The following CREB5 variants were observed in gnomAD, a reference collection of about 807,000 sequenced individuals.
The protein encoded by CREB5 is cAMP responsive element binding protein 5, also known as cyclic AMP-responsive element-binding protein 5.
A neutral mutation model predicts 57.1 loss-of-function variants in CREB5; 19 were observed. The ratio of observed to expected loss-of-function variants is 0.33; its 90% CI spans 0.23 to 0.49. The LOEUF is 0.49. Ranked by LOEUF, CREB5 falls within the 20% of genes least tolerant of loss-of-function variation. The pLI is 0.99. For missense variants in CREB5, 579 were observed against 671.6 expected, an observed-to-expected ratio of 0.86 and a Z score of 1.52; for synonymous variants, 238 against 238.3, an observed-to-expected ratio of 1.00 and a Z score of 0.01.
chr7:28,364,796 C>T (rs1786555419), intron 1 of CREB5, among the ~76,000 whole-genome samples: 1 of 152,186 alleles, frequency 6.6e-6, no homozygotes. Flanking sequence ...GTCCTCCTGG[C>T]TACCTGTCAT....
At chr7:28,734,009 C>T (rs1042635751) in intron 7 of CREB5, among the ~76,000 whole-genome samples, 1 of 151,758 alleles carries the variant, frequency 6.6e-6, no homozygotes, top group African/African-American at 2.4e-5. Context: ...TGAATTCTAC[C>T]CAAAATTCCC....
intron 1 of CREB5, among the ~76,000 whole-genome samples, chr7:28,325,621 A>C (rs1053129460): frequency 5.9e-5 from 9 of 152,122 alleles, no homozygotes; most frequent in Admixed American, 1.3e-4. Context: ...CCTGCTATGC[A>C]TACTTCAGCC....
rs542869437 is a variant in CREB5 at position 28,332,982 on chromosome 7, T to C, written c.-25+33541T>C. On this transcript the variant is annotated intron_variant, in intron 1 of 9. Coordinates refer to the CREB5 transcript ENST00000396299. Reference sequence around the variant, plus strand: ...GCTTTTGACTTGAACACTACACTAGTTTTATTGTGACTGACAATTTCATTA... The same window carrying C: ...GCTTTTGACTTGAACACTACACTAGCTTTATTGTGACTGACAATTTCATTA... Among the ~76,000 whole-genome samples the C allele has an allele frequency of 5.9e-5, 9 of 152,312 alleles. No homozygotes were observed. The East Asian group carries it at 1.7e-3, about 29-fold the overall frequency.
At chr7:28,431,981 C>CATTTTTTTTTT (rs142344867) in intron 1 of CREB5, among the ~76,000 whole-genome samples, 1 of 137,932 alleles carries the variant, frequency 7.2e-6, no homozygotes, top group Non-Finnish European at 1.5e-5. Flanking sequence ...AACAGCTATG[C>CATTTTTTTTTT]CTTTTTTTTT....
rs879648466 is a variant in CREB5 at position 28,445,552 on chromosome 7, C to CT, written c.3+32648dup. ...CCCGGGAGCCAATATTCTTCTTTTT[C>CT]TTTTTTTTTTTTTATTTGAGACGGA... On this transcript the variant is annotated intron_variant, in intron 1 of 10. Transcript: ENST00000357727. 2.9e-3 allele frequency among the ~76,000 whole-genome samples: 413 copies of CT among 143,298 alleles called. 3 individuals are homozygous for CT. Among genetic ancestry groups the CT allele is most frequent in the East Asian group, 0.023 (116 of 4,966 alleles). 94.0% of individuals were successfully genotyped at this position (143,298 alleles called of 152,430 possible).
intron 1 of CREB5, among the ~76,000 whole-genome samples, chr7:28,454,593 G>C (rs903274504): frequency 6.6e-6 from 1 of 152,164 alleles, no homozygotes; most frequent in Non-Finnish European, 1.5e-5. Context: ...CTAATGACCA[G>C]CTTATGTCGT....
At chr7:28,563,543 C>A (rs528733782) in intron 4 of CREB5, among the ~76,000 whole-genome samples, 2 of 152,126 alleles carry the variant, frequency 1.3e-5, no homozygotes, top group East Asian at 3.9e-4. Flanking sequence ...GAATTAACTG[C>A]GAGACAGGGT....
chr7:28,666,422 T>C (rs2128716508), intron 5 of CREB5, among the ~76,000 whole-genome samples: 1 of 152,326 alleles, frequency 6.6e-6, no homozygotes, highest in Admixed American at 6.5e-5. Context: ...GATGATTCAG[T>C]GGGTAGTTCC....
chr7:28,521,262 C>G lies in CREB5; in HGVS notation c.291+13525C>G, dbSNP rs546124025. ...CATCTCAATTAGAGTTTCGGAAGGC[C>G]GTGGATTGGTCTTCACTTGGCATAA... On this transcript the variant is annotated intron_variant, in intron 4 of 10. Transcript: ENST00000357727. Among the ~76,000 whole-genome samples the G allele has an allele frequency of 3.7e-4, 57 of 152,226 alleles. 2 individuals are homozygous for G. The South Asian group carries it at 0.011, about 29-fold the overall frequency.
At chr7:28,445,190 T>C (rs1789384114) in intron 1 of CREB5, among the ~76,000 whole-genome samples, 2 of 152,226 alleles carry the variant, frequency 1.3e-5, no homozygotes, top group South Asian at 4.1e-4. Context: ...CCCAGCCACG[T>C]GGAACTGCGA....
chr7:28,778,156 A>C (rs1023792670), intron 7 of CREB5, among the ~76,000 whole-genome samples: 30 of 152,358 alleles, frequency 2.0e-4, no homozygotes, highest in African/African-American at 7.2e-4. Flanking sequence ...AAAACAACAA[A>C]GTTTTATAAG....
At chr7:28,679,112 A>T (rs1800470227) in intron 5 of CREB5, among the ~76,000 whole-genome samples, 1 of 132,746 alleles carries the variant, frequency 7.5e-6, no homozygotes, top group African/African-American at 2.9e-5. Flanking sequence ...AGCGGAGTAT[A>T]TTTTCAGGGT....
At chr7:28,620,535 G>C (rs142361711) in intron 5 of CREB5, among the ~76,000 whole-genome samples, 1 of 152,304 alleles carries the variant, frequency 6.6e-6, no homozygotes, top group African/African-American at 2.4e-5. Context: ...AATTCTCTCA[G>C]GTAGTGAAGG....
intron 1 of CREB5, among the ~76,000 whole-genome samples, chr7:28,459,244 C>T (rs1232476393): frequency 6.6e-6 from 1 of 152,210 alleles, no homozygotes; most frequent in Non-Finnish European, 1.5e-5. Flanking sequence ...CATCTTTGCA[C>T]ACCCCACCTG....
intron 5 of CREB5, among the ~76,000 whole-genome samples, chr7:28,613,554 G>A (rs1797480565): frequency 6.6e-6 from 1 of 152,300 alleles, no homozygotes; most frequent in African/African-American, 2.4e-5. Context: ...CCTTAGATTT[G>A]GGTTTCTGAA....
intron 1 of CREB5, among the ~76,000 whole-genome samples, chr7:28,367,093 A>G (rs1277612013): frequency 6.6e-6 from 1 of 152,150 alleles, no homozygotes; most frequent in South Asian, 2.1e-4. Context: ...TCTTAACTCC[A>G]TAGCTTTCCT....
intron 5 of CREB5, among the ~76,000 whole-genome samples, chr7:28,590,660 T>G (rs1796471010): frequency 7.2e-6 from 1 of 139,276 alleles, no homozygotes; most frequent in Admixed American, 7.4e-5. Flanking sequence ...GCATGTACCC[T>G]GGAACTTAAA....
At chr7:28,560,861 T>TGCGTGCGC (rs1358670336) in intron 4 of CREB5, among the ~76,000 whole-genome samples, 692 of 45,838 alleles carry the variant, frequency 0.015, 67 homozygotes, top group African/African-American at 0.049. Flanking sequence ...TGTGTGTGCG[T>TGCGTGCGC]GTGCCTGCGT....
intron 1 of CREB5, among the ~76,000 whole-genome samples, chr7:28,361,290 A>G (rs1583397910): frequency 1.3e-5 from 2 of 152,184 alleles, no homozygotes; most frequent in African/African-American, 4.8e-5. Context: ...TCCTTCCTAC[A>G]TATTTGCAGT....
Sources: allele counts gnomAD v4.1 joint callset (sites outside exome capture counted in the v4.1 genomes callset), GRCh38; gene constraint gnomAD v4.1.1; transcripts MANE v1.5; gene names NCBI Gene and HGNC (gene_info 2026-07-23, HGNC 2026-07-21).